The following ZFC3H1 variants were observed in gnomAD, a reference collection of about 807,000 sequenced individuals.
ZFC3H1 encodes zinc finger C3H1 domain-containing protein.
Under a neutral mutation model 243.7 loss-of-function variants are expected in ZFC3H1, and 71 were observed. That is an observed-to-expected ratio of 0.29 (90% CI 0.24 to 0.36). ZFC3H1 has a LOEUF of 0.36. ZFC3H1 is among the 10% of genes least tolerant of loss of function. The pLI is 1.00. For missense variants in ZFC3H1, 1,966 were observed against 2,317.1 expected, an observed-to-expected ratio of 0.85 and a Z score of 3.11; for synonymous variants, 838 against 813.0, an observed-to-expected ratio of 1.03 and a Z score of -0.52.
In ZFC3H1 at chr12:71,634,845, T is replaced by G; in HGVS notation, c.2239-20A>C. 1 of 1,577,446 alleles carries G rather than the reference T, an allele frequency of 6.3e-7. No individual in the cohort carries two copies. The highest frequency in any genetic ancestry group is 8.5e-7 in the Non-Finnish European group (1 of 1,169,942). ...AGCTTGCTAAAAAAAAAAAAACATT[T>G]GAAGTCAACTAGATCATCAGCTTTC... On this transcript the variant is annotated intron_variant, in intron 10 of 34. Coordinates refer to ENST00000378743, the MANE Select transcript of ZFC3H1 (RefSeq NM_144982.5).
At chr12:71,642,152 A>G (rs1880616860) in intron 6 of ZFC3H1, among the ~76,000 whole-genome samples, 2 of 152,312 alleles carry the variant, frequency 1.3e-5, no homozygotes, top group South Asian at 4.1e-4. Flanking sequence ...ACCCGGCCCA[A>G]TCTTCACTTT....
chr12:71,647,266 A>G (rs1035430796), intron 3 of ZFC3H1, among the ~76,000 whole-genome samples: 17 of 152,218 alleles, frequency 1.1e-4, no homozygotes, highest in South Asian at 2.1e-4. Flanking sequence ...GTTTCATTCT[A>G]CTGAAACCTC....
At chr12:71,655,897 G>A (rs535285601) in intron 2 of ZFC3H1, among the ~76,000 whole-genome samples, 3 of 152,176 alleles carry the variant, frequency 2.0e-5, no homozygotes, top group African/African-American at 4.8e-5. Context: ...TGTAATAGCC[G>A]AAAGTTGGAA....
rs1182263953 is a variant in ZFC3H1 at position 71,630,664 on chromosome 12, T to C, written c.3660A>G (p.Ser1220=). 6 of 1,613,728 alleles carry C rather than the reference T, an allele frequency of 3.7e-6. No individual in the cohort carries two copies. The highest frequency in any genetic ancestry group is 3.4e-6 in the Non-Finnish European group (4 of 1,179,818). Residue 1220 remains serine, a synonymous_variant, in exon 18 of 35, where the codon TCA becomes TCG. Coordinates refer to ENST00000378743, the MANE Select transcript of ZFC3H1 (RefSeq NM_144982.5). ...CACAACCAATCAAAGACAGATTATA[T>C]GACAGAATGTCCTGGAATAACTGTT... is the stretch of plus-strand genomic sequence containing the variant. ...SRKQLFQDIL[S]YNLSLIGCAE...
At chr12:71,610,884 A>G in intron 33 of ZFC3H1, 127 bp from the exon 34 acceptor site, 1 of 1,412,178 alleles carries the variant, frequency 7.1e-7, no homozygotes. Flanking sequence ...TGAGTTTTGG[A>G]GTTTCCGAAT....
At position 71,616,910 on chromosome 12, in the gene ZFC3H1, C is replaced by T. The variant is rs184179484; in HGVS notation, c.5145-1594G>A. Among the ~76,000 whole-genome samples the T allele has an allele frequency of 3.2e-3, 482 of 152,310 alleles. 2 individuals are homozygous for T. The highest frequency in any genetic ancestry group is 0.011 in the African/African-American group (454 of 41,570). ...AAGAGATGACTTCAAATCTAATCTACTTAAGACTATAATCCCTAGTTTAAC... is the reference window on the plus strand; with the variant it reads ...AAGAGATGACTTCAAATCTAATCTATTTAAGACTATAATCCCTAGTTTAAC... On this transcript the variant is annotated intron_variant, in intron 27 of 34. Coordinates refer to ENST00000378743, the MANE Select transcript of ZFC3H1 (RefSeq NM_144982.5).
chr12:71,649,091 C>CAAAAAAAAA (rs35231608), intron 2 of ZFC3H1, among the ~76,000 whole-genome samples: 13 of 89,776 alleles, frequency 1.4e-4, no homozygotes, highest in East Asian at 5.9e-4. Flanking sequence ...ACTCTTGTCT[C>CAAAAAAAAA]AAAAAAAAAA....
intron 24 of ZFC3H1, among the ~76,000 whole-genome samples, chr12:71,623,047 C>A (rs1470470431): frequency 6.6e-6 from 1 of 151,572 alleles, no homozygotes; most frequent in Non-Finnish European, 1.5e-5. Flanking sequence ...AAAAAAAGTA[C>A]CTAGTTCTCT....
intron 22 of ZFC3H1, among the ~76,000 whole-genome samples, chr12:71,625,916 T>C (rs1175016902): frequency 6.6e-6 from 1 of 152,120 alleles, no homozygotes; most frequent in Admixed American, 6.5e-5. Flanking sequence ...AAGAAACAAT[T>C]TTTTCAGGTG....
intron 22 of ZFC3H1, among the ~76,000 whole-genome samples, chr12:71,625,703 C>CA (rs1231899225): frequency 2.0e-5 from 3 of 151,808 alleles, no homozygotes; most frequent in Admixed American, 1.3e-4. Context: ...AACTGACAGC[C>CA]AAAAAAACCA....
rs771075349 is a variant in ZFC3H1 at position 71,644,229 on chromosome 12, G to A, written c.1369C>T (p.Arg457Trp). ...EQERQKEEDQ[R>W]KQAEEEERRK... Reference sequence around the variant, plus strand: ...CTCTCTTCTTCTTCAGCTTGTTTCCGCTGATCCTCTTCTTTCTGTCTTTCC... The same window carrying A: ...CTCTCTTCTTCTTCAGCTTGTTTCCACTGATCCTCTTCTTTCTGTCTTTCC... Residue 457 changes from arginine to tryptophan, a missense_variant, in exon 5 of 35, where the codon CGG becomes TGG. Arg to Trp is a moderately radical substitution (Grantham distance 101). Coordinates refer to ENST00000378743, the MANE Select transcript of ZFC3H1 (RefSeq NM_144982.5). 12 of 1,610,622 alleles carry A rather than the reference G, an allele frequency of 7.5e-6. No individual in the cohort carries two copies. The highest frequency in any genetic ancestry group is 5.5e-5 in the South Asian group (5 of 90,840).
chr12:71,622,072 C>G (rs1286797647), intron 24 of ZFC3H1, among the ~76,000 whole-genome samples: 2 of 152,216 alleles, frequency 1.3e-5, no homozygotes, highest in African/African-American at 2.4e-5. Flanking sequence ...GCACAGAATT[C>G]TCAGTCTGAT....
Position 71,614,903 on chromosome 12 carries a change from G to A in ZFC3H1, c.5291C>T (p.Thr1764Ile). ...TAATGCTGCCTCATATGCCTCCACT[G>A]TTTCTTTAATACTTGATTGAAGAGG... ...CHPLQSSIKETVEAYEAALGV... is the reference protein window; with the variant it reads ...CHPLQSSIKEIVEAYEAALGV... Residue 1764 changes from threonine to isoleucine, a missense_variant, in exon 29 of 35, where the codon ACA becomes ATA. Transcript: ENST00000378743. 1 of 1,613,704 alleles carries A rather than the reference G, an allele frequency of 6.2e-7. No individual in the cohort carries two copies. The highest frequency in any genetic ancestry group is 8.5e-7 in the Non-Finnish European group (1 of 1,179,796).
At chr12:71,656,655 T>C in intron 2 of ZFC3H1, 2 of 585,870 alleles carry the variant, frequency 3.4e-6, no homozygotes, top group Non-Finnish European at 5.9e-6. Flanking sequence ...ATCACTTATG[T>C]ATAACATTCT....
intron 15 of ZFC3H1, 29 bp from the exon 16 acceptor site, chr12:71,631,916 G>A: frequency 6.2e-7 from 1 of 1,607,056 alleles, no homozygotes; most frequent in East Asian, 2.2e-5. Context: ...ATTCTGTAAG[G>A]CAAATAAGGC....
intron 8 of ZFC3H1, 53 bp downstream of exon 8, chr12:71,636,796 TA>T: frequency 6.3e-7 from 1 of 1,590,452 alleles, no homozygotes. Flanking sequence ...AAAGTAGGAC[TA>T]CCGTAAAGCT....
In ZFC3H1 at chr12:71,663,275, A is replaced by C. The variant is rs1213951040; in HGVS notation, c.336T>G (p.Ser112=). 1 of 1,613,588 alleles carries C rather than the reference A, an allele frequency of 6.2e-7. No homozygotes were observed. The highest frequency in any genetic ancestry group is 1.1e-5 in the South Asian group (1 of 91,088). The change falls in exon 1 of 35, where the codon TCT becomes TCG. Residue 112 remains serine, a synonymous_variant. Coordinates refer to ENST00000378743, the MANE Select transcript of ZFC3H1 (RefSeq NM_144982.5). Reference sequence around the variant, plus strand: ...AAGGCATCCGTACAGAAGGCGGATGAGACCGGAACGGTTCTTTGGGTCGGT... The same window carrying C: ...AAGGCATCCGTACAGAAGGCGGATGCGACCGGAACGGTTCTTTGGGTCGGT... ...SSYRPKEPFR[S]HPPSVRMPSS...
At chr12:71,626,560 G>T in intron 21 of ZFC3H1, 114 bp from the exon 22 acceptor site, 1 of 951,442 alleles carries the variant, frequency 1.1e-6, no homozygotes, top group Non-Finnish European at 1.5e-6. Context: ...AATTTACCAA[G>T]AAGTCAGGAT....
Position 71,663,203 on chromosome 12 carries a change from C to T in ZFC3H1, c.408G>A (p.Arg136=), listed in dbSNP as rs1297965222. Residue 136 remains arginine (R), a synonymous_variant, in exon 1 of 35, where the codon CGG becomes CGA. Coordinates refer to ENST00000378743, the MANE Select transcript of ZFC3H1 (RefSeq NM_144982.5). ...GGAAACGGTCCAAGGCGAGGTGGCT[C>T]CGCTCCCAGAAAGACGGCCGGGGAC... ...ESSPRPSFWE[R]SHLALDRFRF... 1 of 1,613,964 alleles carries T rather than the reference C, an allele frequency of 6.2e-7. No individual in the cohort carries two copies. The highest frequency in any genetic ancestry group is 8.5e-7 in the Non-Finnish European group (1 of 1,180,042).
Sources: allele counts gnomAD v4.1 joint callset (sites outside exome capture counted in the v4.1 genomes callset), GRCh38; gene constraint gnomAD v4.1.1; transcripts MANE v1.5; gene names NCBI Gene and HGNC (gene_info 2026-07-23, HGNC 2026-07-21).